The following SPNS3 variants were observed in gnomAD, a reference collection of about 807,000 sequenced individuals.
SPNS3 encodes the protein SPNS lysolipid transporter 3, sphingosine-1-phosphate (putative), also known as protein spinster homolog 3.
A neutral mutation model predicts 54.4 loss-of-function variants in SPNS3; 51 were observed. The observed-to-expected ratio is 0.94, with a 90% CI of 0.75 to 1.18. The LOEUF (loss-of-function observed/expected upper bound fraction) is 1.18, where lower values mean the gene tolerates loss of function less well. SPNS3 is among the 50% of genes most tolerant of loss of function. The pLI, the probability that SPNS3 is intolerant of heterozygous loss-of-function variation, is 0.00. For missense variants in SPNS3, 669 were observed against 677.4 expected (o/e 0.99, Z 0.14); for synonymous variants, 309 against 294.7 (o/e 1.05, Z -0.50).
At chr17:4,471,169 C>T (rs923302137) in intron 8 of SPNS3, among the ~76,000 whole-genome samples, 1 of 152,216 alleles carries the variant, frequency 6.6e-6, no homozygotes, top group African/African-American at 2.4e-5. Context: ...GGTGATCCAC[C>T]CGCCTCGGCC....
chr17:4,485,610 G>A (rs563287957), intron 9 of SPNS3, among the ~76,000 whole-genome samples: 1 of 152,248 alleles, frequency 6.6e-6, no homozygotes, highest in South Asian at 2.1e-4. Flanking sequence ...TTGCCAGGCT[G>A]GTCTTGACCT....
intron 8 of SPNS3, among the ~76,000 whole-genome samples, chr17:4,467,963 G>A (rs1275914329): frequency 1.3e-5 from 2 of 152,184 alleles, no homozygotes; most frequent in Non-Finnish European, 1.5e-5. Context: ...GGGCGACGGC[G>A]CCTGGCTACT....
intron 8 of SPNS3, among the ~76,000 whole-genome samples, chr17:4,458,624 T>TCTTTCTTTCTTTCTTTCTTTC (rs1971404738): frequency 2.8e-5 from 4 of 144,240 alleles, no homozygotes; most frequent in Non-Finnish European, 4.5e-5. Context: ...TTTCTTTCTT[T>TCTTTCTTTCTTTCTTTCTTTC]CTTTCTTTCT....
chr17:4,486,595 A>G lies in SPNS3; in HGVS notation c.1450+12A>G. On this transcript the variant is annotated intron_variant, in intron 11 of 11. Transcript: ENST00000355530. This position sits in a 1 kb window ranked among gnomAD's most constrained non-coding sequence, Gnocchi z 5.5. ...GCAGCCTGTCACAGGTACCCTACCC[A>G]TTGCACCAGGCCCGGCTCAGGGCCG... 1 of 1,602,630 alleles carries G rather than the reference A, an allele frequency of 6.2e-7. No individual in the cohort carries two copies. Among genetic ancestry groups the G allele is most frequent in the South Asian group, 1.1e-5 (1 of 90,360 alleles).
intron 11 of SPNS3, among the ~76,000 whole-genome samples, chr17:4,487,308 G>A (rs1405009764): frequency 6.6e-6 from 1 of 152,326 alleles, no homozygotes; most frequent in East Asian, 1.9e-4. Context: ...GCTTCCGGCA[G>A]TGGGGACAAT....
chr17:4,443,538 A>G (rs989324777), intron 2 of SPNS3, among the ~76,000 whole-genome samples: 2 of 152,230 alleles, frequency 1.3e-5, no homozygotes, highest in Admixed American at 1.3e-4. Flanking sequence ...CATTTATTGG[A>G]CATTTACATG....
rs946286768 is a variant in SPNS3 at position 4,444,969 on chromosome 17, C to T, written c.266-63C>T. On this transcript the variant is annotated intron_variant, in intron 2 of 11. Transcript: ENST00000355530. ...GAGTCAGGCTCCTTCCCTGGGCCTG[C>T]TGGGCCATCTGCCCTGCCACGGTCG... 8.1e-5 allele frequency: 126 copies of T among 1,553,616 alleles called. 1 individual carries two copies. The East Asian group carries it at 2.9e-3, about 35-fold the overall frequency.
rs76141369 is a variant in SPNS3 at position 4,468,304 on chromosome 17, A to T, written c.1114-10268A>T. 4.0e-3 allele frequency among the ~76,000 whole-genome samples: 608 copies of T among 152,298 alleles called. 9 individuals carry two copies. Among genetic ancestry groups the T allele is most frequent in the African/African-American group, 0.014 (592 of 41,560 alleles). Reference sequence around the variant, plus strand: ...AAAAAAACAAACAAAAAATAAATTAAAAAAAAGAAAGAGGACAAAGGCAGA... The same window carrying T: ...AAAAAAACAAACAAAAAATAAATTATAAAAAAGAAAGAGGACAAAGGCAGA... On this transcript the variant is annotated intron_variant, in intron 8 of 11. Coordinates refer to ENST00000355530, the MANE Select transcript of SPNS3 (RefSeq NM_182538.5).
intron 6 of SPNS3, 119 bp from the exon 7 acceptor site, chr17:4,449,116 C>G: frequency 8.4e-7 from 1 of 1,191,940 alleles, no homozygotes; most frequent in Non-Finnish European, 1.2e-6. Context: ...CCTATGGAAT[C>G]TTGAAGGTAA....
At chr17:4,436,220 C>T (rs1970716139) in intron 1 of SPNS3, among the ~76,000 whole-genome samples, 1 of 152,124 alleles carries the variant, frequency 6.6e-6, no homozygotes, top group Admixed American at 6.6e-5. Flanking sequence ...CCTGCAGCTG[C>T]CAGGCATCTC....
chr17:4,445,359 G>A (rs1309386992), intron 3 of SPNS3, among the ~76,000 whole-genome samples, 191 bp downstream of exon 3: 1 of 149,070 alleles, frequency 6.7e-6, no homozygotes, highest in Non-Finnish European at 1.5e-5. Context: ...AGTCTGCACA[G>A]GGCAGAGCTG....
intron 8 of SPNS3, among the ~76,000 whole-genome samples, chr17:4,473,572 G>C (rs1298077308): frequency 6.6e-6 from 1 of 151,962 alleles, no homozygotes. Flanking sequence ...ATTTTTAGTA[G>C]AGAAGGGGTT....
rs564348565 is a variant in SPNS3 at position 4,443,802 on chromosome 17, T to C, written c.266-1230T>C. ...AACATATTAACAAACAACAGCCCAA[T>C]AGAAAAATGGACAGTGGGCCGGGCA... On this transcript the variant is annotated intron_variant, in intron 2 of 11. Coordinates refer to ENST00000355530, the MANE Select transcript of SPNS3 (RefSeq NM_182538.5). 3.9e-5 allele frequency among the ~76,000 whole-genome samples: 6 copies of C among 152,250 alleles called. No individual in the cohort carries two copies. The South Asian group carries it at 8.3e-4, about 21-fold the overall frequency.
In SPNS3 at chr17:4,445,012, C is replaced by A. The variant is rs745905790; in HGVS notation, c.266-20C>A. On this transcript the variant is annotated intron_variant, in intron 2 of 11. Coordinates refer to ENST00000355530, the MANE Select transcript of SPNS3 (RefSeq NM_182538.5). ...CACGGTCGTGGGGGGATCCAGGCTG[C>A]CCCTGTGTGTCTCCTTCAGTCTTCG... 2 of 1,609,586 alleles carry A rather than the reference C, an allele frequency of 1.2e-6. No homozygotes were observed. The highest frequency in any genetic ancestry group is 1.7e-5 in the Admixed American group (1 of 59,710).
chr17:4,459,401 A>T (rs1008131796), intron 8 of SPNS3, among the ~76,000 whole-genome samples: 6 of 152,144 alleles, frequency 3.9e-5, no homozygotes, highest in Admixed American at 1.3e-4. Flanking sequence ...ATTAAGTGGC[A>T]TACTAGTTTA....
rs113589228 is a variant in SPNS3 at position 4,450,354 on chromosome 17, C to CTCTCT, written c.923+967_923+968insTCTCT. On this transcript the variant is annotated intron_variant, in intron 7 of 11. Transcript: ENST00000355530. ...CTCCCTCTCCCTCTCCCTCTCCCCT[C>CTCTCT]CTCTCTCTCTCTCTCCCTACCCCTC... Among the ~76,000 whole-genome samples the CTCTCT allele has an allele frequency of 9.0e-5, 11 of 122,196 alleles. 1 individual carries two copies. The highest frequency in any genetic ancestry group is 1.3e-4 in the Non-Finnish European group (8 of 61,036). The allele number at this position is 122,196 out of a possible 152,430, so 80.2% of individuals were successfully genotyped here. A position where few individuals can be genotyped will look rare whatever the true frequency, so the allele number is the denominator to read the frequency against.
At chr17:4,487,759 G>C (rs1330933728) in intron 11 of SPNS3, 47 bp from the exon 12 acceptor site, 2 of 1,585,408 alleles carry the variant, frequency 1.3e-6, no homozygotes, top group East Asian at 4.5e-5. Flanking sequence ...TGGTCCCAAA[G>C]CACCTTCTGC....
At chr17:4,449,496 G>T in intron 7 of SPNS3, 109 bp downstream of exon 7, 1 of 1,327,398 alleles carries the variant, frequency 7.5e-7, no homozygotes, top group Non-Finnish European at 1.0e-6. Flanking sequence ...GGGGCATTTG[G>T]TGCTGTGTGA....
chr17:4,480,184 T>C (rs1242687971), intron 9 of SPNS3, among the ~76,000 whole-genome samples: 1 of 151,852 alleles, frequency 6.6e-6, no homozygotes, highest in Non-Finnish European at 1.5e-5. Flanking sequence ...GGCTCCTGGG[T>C]GAGTGGATCA....
Sources: allele counts gnomAD v4.1 joint callset (sites outside exome capture counted in the v4.1 genomes callset), GRCh38; gene constraint gnomAD v4.1.1; non-coding constraint Gnocchi (gnomAD v3.1); transcripts MANE v1.5; gene names NCBI Gene and HGNC (gene_info 2026-07-23, HGNC 2026-07-21).